The following DYM variants were observed in gnomAD, a reference collection of about 807,000 sequenced individuals.
DYM encodes the protein dymeclin, also known as dyggve-Melchior-Clausen syndrome protein.
DYM carries 78 observed loss-of-function variants against 93.1 expected under a neutral mutation model. The ratio of observed to expected loss-of-function variants is 0.84; its 90% CI spans 0.70 to 1.01. The LOEUF is 1.01. DYM is among the 50% of genes least tolerant of loss of function. The pLI is 0.00. For missense variants in DYM, 789 were observed against 845.0 expected (o/e 0.93, Z 0.82); for synonymous variants, 321 against 319.7 (o/e 1.00, Z -0.04).
At chr18:49,357,403 C>G (rs1017840499) in intron 6 of DYM, among the ~76,000 whole-genome samples, 1 of 152,168 alleles carries the variant, frequency 6.6e-6, no homozygotes, top group African/African-American at 2.4e-5. Flanking sequence ...TAAACGGCCC[C>G]AGAATACTCA....
chr18:49,236,477 C>G (rs1410959248), intron 13 of DYM, among the ~76,000 whole-genome samples: 4 of 77,436 alleles, frequency 5.2e-5, no homozygotes, highest in African/African-American at 1.0e-4. Flanking sequence ...GAGACTCTGT[C>G]TCAAAAAAAA....
chr18:49,097,909 C>CTCTT (rs938440248), intron 16 of DYM, among the ~76,000 whole-genome samples: 1 of 144,876 alleles, frequency 6.9e-6, no homozygotes, highest in African/African-American at 2.6e-5. Context: ...CTCTCTCTCT[C>CTCTT]TCTCAAAAGG....
At chr18:49,423,387 T>G (rs1374385684) in intron 2 of DYM, among the ~76,000 whole-genome samples, 2 of 151,648 alleles carry the variant, frequency 1.3e-5, no homozygotes, top group African/African-American at 4.8e-5. Flanking sequence ...TGGGACACAT[T>G]TAAAGCAGTG....
rs1294806651 is a variant in DYM, at chr18:49,289,786, T to TAC, written c.764-3171_764-3170insGT. Among the ~76,000 whole-genome samples, 12 of 64,910 alleles carry TAC rather than the reference T, an allele frequency of 1.8e-4. No homozygotes were observed. The South Asian group carries it at 3.7e-3, about 20-fold the overall frequency. The allele number at this position is 64,910 out of a possible 152,430, so 42.6% of individuals were successfully genotyped here. A position where few individuals can be genotyped will look rare whatever the true frequency, so the allele number is the denominator to read the frequency against. On this transcript the variant is annotated intron_variant, in intron 8 of 17. Coordinates refer to ENST00000675505, the MANE Select transcript of DYM (RefSeq NM_001353214.3). ...ATATATATATATACACATATATATA[T>TAC]ATACACACATATATATATATATACA... is the stretch of plus-strand genomic sequence containing the variant.
intron 8 of DYM, among the ~76,000 whole-genome samples, chr18:49,325,665 T>C (rs937445503): frequency 1.3e-5 from 2 of 152,166 alleles, no homozygotes; most frequent in Admixed American, 6.5e-5. Context: ...GCTTAGATGA[T>C]AAAATAGGCA....
At chr18:49,264,183 C>T (rs34120857) in intron 11 of DYM, among the ~76,000 whole-genome samples, 47,454 of 149,904 alleles carry the variant, frequency 0.32, 8,754 homozygotes, top group Middle Eastern at 0.47. Flanking sequence ...ATTTCATTTA[C>T]GTAATCTGCT....
chr18:49,298,161 C>T (rs1336995423), intron 8 of DYM, among the ~76,000 whole-genome samples: 1 of 133,652 alleles, frequency 7.5e-6, no homozygotes, highest in Non-Finnish European at 1.8e-5. Context: ...CTAACCCATC[C>T]TGTCTCCCAA....
At chr18:49,099,305 A>C (rs2079884746) in intron 16 of DYM, among the ~76,000 whole-genome samples, 1 of 152,146 alleles carries the variant, frequency 6.6e-6, no homozygotes. Flanking sequence ...GTTCTCAAGC[A>C]TGGCTGATCA....
chr18:49,044,109 G>A lies in DYM; in HGVS notation c.2121C>T (p.Val707=), dbSNP rs978933291. The A allele has an allele frequency of 2.3e-5, 37 of 1,614,058 alleles. No individual in the cohort carries two copies. The highest frequency in any genetic ancestry group is 2.9e-5 in the Non-Finnish European group (34 of 1,180,030). Residue 707 remains valine (V), a synonymous_variant, in exon 18 of 18, where the codon GTC becomes GTT. Coordinates refer to ENST00000675505, the MANE Select transcript of DYM (RefSeq NM_001353214.3). ...TGTCCTGTGGATTCCAGTACAGGCCGACTGCTGAGTTGTAGACAAGAGACC... is the reference window on the plus strand; with the variant it reads ...TGTCCTGTGGATTCCAGTACAGGCCAACTGCTGAGTTGTAGACAAGAGACC... ...YVWSLVYNSA[V]GLYWNPQDIQ...
intron 14 of DYM, among the ~76,000 whole-genome samples, chr18:49,190,464 A>G (rs956154012): frequency 1.3e-5 from 2 of 152,238 alleles, no homozygotes; most frequent in Non-Finnish European, 2.9e-5. Context: ...TCTCAATGCC[A>G]CAACCATTGC....
rs560414160 is a variant in DYM at position 49,041,088 on chromosome 18, T to G, written c.*2967A>C. ...CAGGGACCTTCTCTTCTTTCCTTTC[T>G]CTGTCTTTGTCCTTGAGCTGTGTTG... On this transcript the variant is annotated 3_prime_UTR_variant, in exon 18 of 18. Coordinates refer to ENST00000675505, the MANE Select transcript of DYM (RefSeq NM_001353214.3). Among the ~76,000 whole-genome samples the G allele has an allele frequency of 6.6e-6, 1 of 152,320 alleles. No homozygotes were observed. The highest frequency in any genetic ancestry group is 2.4e-5 in the African/African-American group (1 of 41,572).
At chr18:49,365,695 C>A (rs1469885113) in intron 5 of DYM, among the ~76,000 whole-genome samples, 2 of 152,136 alleles carry the variant, frequency 1.3e-5, no homozygotes, top group Admixed American at 1.3e-4. Context: ...AGACCAAATG[C>A]CAGTTTAATA....
chr18:49,044,683 G>A (rs1419938191), intron 17 of DYM, among the ~76,000 whole-genome samples: 1 of 152,242 alleles, frequency 6.6e-6, no homozygotes, highest in Non-Finnish European at 1.5e-5. Flanking sequence ...TGTGCCACCG[G>A]TGGAGGGGGG....
intron 13 of DYM, among the ~76,000 whole-genome samples, chr18:49,243,331 C>T (rs2094079184): frequency 6.6e-6 from 1 of 152,048 alleles, no homozygotes; most frequent in African/African-American, 2.4e-5. Flanking sequence ...GATTATATGT[C>T]CCCTAAATAC....
chr18:49,395,921 A>G lies in DYM; in HGVS notation c.141-4276T>C, dbSNP rs185426256. ...GGGCCTAATGGGAGGTGTCTGGGTC[A>G]TGGGGGCAGATCCCTTATGAACAGA... On this transcript the variant is annotated intron_variant, in intron 2 of 17. Transcript: ENST00000675505. Among the ~76,000 whole-genome samples the G allele has an allele frequency of 1.1e-4, 16 of 152,288 alleles. 1 individual carries two copies. In the South Asian group the frequency reaches 2.5e-3, roughly 24 times the overall value.
intron 1 of DYM, among the ~76,000 whole-genome samples, chr18:49,444,540 A>G (rs1269138059): frequency 6.6e-6 from 1 of 152,200 alleles, no homozygotes; most frequent in Non-Finnish European, 1.5e-5. Flanking sequence ...TGTACTTCCT[A>G]TGCTGTCAAA....
At chr18:49,357,063 T>G (rs912270582) in intron 6 of DYM, among the ~76,000 whole-genome samples, 6 of 152,232 alleles carry the variant, frequency 3.9e-5, no homozygotes, top group Non-Finnish European at 5.9e-5. Flanking sequence ...CTGCTCAACC[T>G]AATGTGCTTG....
intron 13 of DYM, among the ~76,000 whole-genome samples, chr18:49,242,220 T>C (rs2094029863): frequency 6.6e-6 from 1 of 152,190 alleles, no homozygotes; most frequent in Non-Finnish European, 1.5e-5. Flanking sequence ...GAGACCAGCC[T>C]GGCCAACATG....
chr18:49,203,755 C>T (rs2092296617), intron 14 of DYM, among the ~76,000 whole-genome samples: 1 of 138,458 alleles, frequency 7.2e-6, no homozygotes, highest in East Asian at 2.1e-4. Flanking sequence ...AACCAGAGAC[C>T]TTTGTTCACT....
Sources: gnomAD v4.1 joint callset for allele counts (sites outside exome capture counted in the v4.1 genomes callset) on GRCh38, gnomAD v4.1.1 for gene constraint, MANE v1.5 for transcripts, NCBI Gene and HGNC (gene_info 2026-07-23, HGNC 2026-07-21) for gene names.